Variants in BCAS3 observed in about 807,000 individuals in gnomAD.
The protein encoded by BCAS3 is BCAS4/BCAS3 fusion.
A neutral mutation model predicts 116.1 loss-of-function variants in BCAS3; 53 were observed. The observed-to-expected ratio is 0.46, with a 90% CI of 0.37 to 0.57. The LOEUF (loss-of-function observed/expected upper bound fraction) is 0.57, where lower values mean the gene tolerates loss of function less well. BCAS3 is among the 20% of genes least tolerant of loss of function. The probability of loss-of-function intolerance (pLI) is 0.00; values close to 1 mark genes in which losing one functional copy is unlikely to be tolerated. For missense variants in BCAS3, 917 were observed against 1,165.4 expected (o/e 0.79, Z 3.10); for synonymous variants, 391 against 408.2 (o/e 0.96, Z 0.51).
intron 6 of BCAS3, among the ~76,000 whole-genome samples, chr17:60,797,476 G>A (rs138844447): frequency 6.2e-4 from 95 of 152,170 alleles, no homozygotes; most frequent in African/African-American, 2.1e-3. Context: ...GGCCTCCTGA[G>A]TAGCTGGGAC....
At chr17:61,110,007 T>G (rs2074948924) in intron 22 of BCAS3, among the ~76,000 whole-genome samples, 1 of 152,244 alleles carries the variant, frequency 6.6e-6, no homozygotes, top group Non-Finnish European at 1.5e-5. Flanking sequence ...GGTCATGAAG[T>G]ATTTGCCTAA....
intron 4 of BCAS3, among the ~76,000 whole-genome samples, chr17:60,708,653 C>T (rs1288357102): frequency 6.6e-6 from 1 of 152,078 alleles, no homozygotes; most frequent in Non-Finnish European, 1.5e-5. Context: ...GCCTCAGCCT[C>T]CCCATTAGCT....
Position 61,144,598 on chromosome 17 carries a change from G to A in BCAS3, c.2425+60034G>A, listed in dbSNP as rs375549947. Among the ~76,000 whole-genome samples the A allele has an allele frequency of 7.2e-5, 11 of 152,246 alleles. No individual in the cohort carries two copies. Among genetic ancestry groups the A allele is most frequent in the East Asian group, 5.8e-4 (3 of 5,182 alleles). ...TATTTTTTATAACATCTCTGTGAAA[G>A]TTTGAAAATTTATGATTGTTGATCC... On this transcript the variant is annotated intron_variant, in intron 22 of 23. Coordinates refer to ENST00000407086, the MANE Select transcript of BCAS3 (RefSeq NM_017679.5). This position sits in a 1 kb window ranked among gnomAD's most constrained non-coding sequence, Gnocchi z 5.0.
Position 60,990,007 on chromosome 17 carries a change from G to A in BCAS3, c.1258G>A (p.Val420Ile), listed in dbSNP as rs779547305. The A allele has an allele frequency of 1.2e-6, 2 of 1,613,966 alleles. No individual in the cohort carries two copies. Among genetic ancestry groups the A allele is most frequent in the Non-Finnish European group, 1.7e-6 (2 of 1,180,020 alleles). Residue 420 changes from valine to isoleucine, a missense_variant, in exon 15 of 24, where the codon GTT becomes ATT. By Grantham distance (29) the Val-to-Ile change is conservative. Coordinates refer to ENST00000407086, the MANE Select transcript of BCAS3 (RefSeq NM_017679.5). This position sits in a 1 kb window ranked among gnomAD's most constrained non-coding sequence, Gnocchi z 5.1. Reference protein sequence around the residue: ...DICFSHDCRWVVVSTLRGTSH... With the variant: ...DICFSHDCRWIVVSTLRGTSH... ...CTGCTTCAGCCATGACTGTCGCTGG[G>A]TTGTGGTCAGTACTCTCCGGGGTAC... is the stretch of plus-strand genomic sequence containing the variant.
intron 13 of BCAS3, among the ~76,000 whole-genome samples, chr17:60,943,330 A>G (rs780099725): frequency 1.3e-5 from 2 of 152,140 alleles, no homozygotes; most frequent in Non-Finnish European, 2.9e-5. Flanking sequence ...AGCGAGTGTG[A>G]GAGCACCCAA....
chr17:61,103,644 G>GT (rs1305688895), intron 22 of BCAS3, among the ~76,000 whole-genome samples: 1 of 152,130 alleles, frequency 6.6e-6, no homozygotes, highest in East Asian at 1.9e-4. Flanking sequence ...ATGTCAGACT[G>GT]TTTATGTGTG....
chr17:61,274,021 C>T (rs2050549089), intron 22 of BCAS3, among the ~76,000 whole-genome samples: 1 of 150,370 alleles, frequency 6.7e-6, no homozygotes, highest in Non-Finnish European at 1.5e-5. Flanking sequence ...AGGTTTGTTA[C>T]ATATGTATAC....
intron 6 of BCAS3, among the ~76,000 whole-genome samples, chr17:60,762,558 A>G (rs2043647334): frequency 6.6e-6 from 1 of 152,074 alleles, no homozygotes; most frequent in Non-Finnish European, 1.5e-5. Context: ...TTTGGTCTAT[A>G]TCTCTGTTTT....
At chr17:61,078,587 A>G (rs767029945) in intron 21 of BCAS3, 58 bp downstream of exon 21, 3 of 1,422,020 alleles carry the variant, frequency 2.1e-6, no homozygotes, top group Non-Finnish European at 2.9e-6. Context: ...TTCGTGTGAA[A>G]TGAGCATCAT....
At chr17:60,690,491 G>A (rs2034661915) in intron 4 of BCAS3, among the ~76,000 whole-genome samples, 1 of 152,048 alleles carries the variant, frequency 6.6e-6, no homozygotes, top group Non-Finnish European at 1.5e-5. Flanking sequence ...GATTGCTTGA[G>A]CCTGGGAGGT....
In BCAS3 at chr17:61,347,932, T is replaced by C. The variant is rs1372016120; in HGVS notation, c.2426-20395T>C. 1.3e-5 allele frequency among the ~76,000 whole-genome samples: 2 copies of C among 152,176 alleles called. No individual in the cohort carries two copies. The highest frequency in any genetic ancestry group is 2.9e-5 in the Non-Finnish European group (2 of 68,032). On this transcript the variant is annotated intron_variant, in intron 22 of 23. Coordinates refer to ENST00000407086, the MANE Select transcript of BCAS3 (RefSeq NM_017679.5). The surrounding 1 kb of genome is among the most constrained non-coding windows in gnomAD (Gnocchi z 4.3). Reference sequence around the variant, plus strand: ...GTCTGGAAAGCTGCTAGAGGCCAGATGATAGACAGTTGTGCTAAGAAGATT... The same window carrying C: ...GTCTGGAAAGCTGCTAGAGGCCAGACGATAGACAGTTGTGCTAAGAAGATT...
At chr17:60,810,822 G>C (rs559414989) in intron 7 of BCAS3, 10 of 690,476 alleles carry the variant, frequency 1.4e-5, no homozygotes, top group East Asian at 1.4e-4. Flanking sequence ...ACCTCGAAGA[G>C]GAAGTAAAAG....
intron 23 of BCAS3, among the ~76,000 whole-genome samples, chr17:61,386,717 C>T (rs1184974795): frequency 1.3e-5 from 2 of 151,746 alleles, no homozygotes; most frequent in Non-Finnish European, 2.9e-5. Context: ...ATTGGCCAGA[C>T]GTCCAGGTTG....
chr17:61,012,051 C>G lies in BCAS3; in HGVS notation c.1487-3700C>G, dbSNP rs1035640039. Among the ~76,000 whole-genome samples the G allele has an allele frequency of 1.3e-5, 2 of 151,932 alleles. No homozygotes were observed. Among genetic ancestry groups the G allele is most frequent in the African/African-American group, 4.8e-5 (2 of 41,386 alleles). ...GCTCAAAATTTGTATACCTTTTCTCCCTTTTTAAGTTGTCCTTTAAAACAA... is the reference window on the plus strand; with the variant it reads ...GCTCAAAATTTGTATACCTTTTCTCGCTTTTTAAGTTGTCCTTTAAAACAA... On this transcript the variant is annotated intron_variant, in intron 15 of 23. Coordinates refer to ENST00000407086, the MANE Select transcript of BCAS3 (RefSeq NM_017679.5). The surrounding 1 kb of genome is among the most constrained non-coding windows in gnomAD (Gnocchi z 4.5).
At chr17:60,726,400 A>C (rs1218140351) in intron 5 of BCAS3, among the ~76,000 whole-genome samples, 2 of 147,098 alleles carry the variant, frequency 1.4e-5, no homozygotes, top group Non-Finnish European at 3.0e-5. Context: ...GGGTTTCTCC[A>C]TGTTGGTCAG....
At chr17:60,899,976 GT>G (rs1048255604) in intron 10 of BCAS3, 3 of 152,520 alleles carry the variant, frequency 2.0e-5, no homozygotes, top group Non-Finnish European at 2.9e-5. Context: ...GCTCTGGGCT[GT>G]AGTGCACTAT....
In BCAS3 at chr17:61,088,644, T is replaced by C. The variant is rs2143569025; in HGVS notation, c.2425+4080T>C. On this transcript the variant is annotated intron_variant, in intron 22 of 23. Transcript: ENST00000407086. This position sits in a 1 kb window ranked among gnomAD's most constrained non-coding sequence, Gnocchi z 4.2. Reference sequence around the variant, plus strand: ...TCCAAAACTTGAAGGCTATACCTAATAGATAACCTTTCCTTGCTTCTGAGT... The same window carrying C: ...TCCAAAACTTGAAGGCTATACCTAACAGATAACCTTTCCTTGCTTCTGAGT... Among the ~76,000 whole-genome samples, 1 of 152,338 alleles carries C rather than the reference T, an allele frequency of 6.6e-6. No homozygotes were observed. The highest frequency in any genetic ancestry group is 2.1e-4 in the South Asian group (1 of 4,828).
At chr17:61,305,696 G>T (rs2053795429) in intron 22 of BCAS3, among the ~76,000 whole-genome samples, 1 of 152,200 alleles carries the variant, frequency 6.6e-6, no homozygotes, top group African/African-American at 2.4e-5. Context: ...AGGAGTTTGA[G>T]AGCAGCCTGG....
In BCAS3 at chr17:61,327,295, C is replaced by T. The variant is rs1008403215; in HGVS notation, c.2426-41032C>T. Among the ~76,000 whole-genome samples the T allele has an allele frequency of 9.9e-5, 15 of 151,694 alleles. No individual in the cohort carries two copies. The highest frequency in any genetic ancestry group is 3.4e-3 in the Middle Eastern group (1 of 294). ...TCAGCCTGGCAACAGAGTGAAACTC[C>T]GTCTCAAAAATAAAATAAAATAAAA... On this transcript the variant is annotated intron_variant, in intron 22 of 23. Transcript: ENST00000407086. The surrounding 1 kb of genome is among the most constrained non-coding windows in gnomAD (Gnocchi z 5.9).
Sources: allele counts gnomAD v4.1 joint callset (sites outside exome capture counted in the v4.1 genomes callset), GRCh38; gene constraint gnomAD v4.1.1; non-coding constraint Gnocchi (gnomAD v3.1); transcripts MANE v1.5; gene names NCBI Gene and HGNC (gene_info 2026-07-23, HGNC 2026-07-21).